The following EPHA6 variants were observed in gnomAD, a reference collection of about 807,000 sequenced individuals.
EPHA6 encodes the protein ephrin type-A receptor 6.
Under a neutral mutation model 112.0 loss-of-function variants are expected in EPHA6, and 50 were observed. The ratio of observed to expected loss-of-function variants is 0.45; its 90% confidence interval spans 0.36 to 0.56. The LOEUF (loss-of-function observed/expected upper bound fraction) is 0.56. Among genes scored for constraint, EPHA6 ranks in the 20% least tolerant of loss-of-function variants. The pLI is 0.00. For synonymous variants in EPHA6, 529 were observed against 490.7 expected (o/e 1.08, Z -1.03); for missense variants, 1,280 against 1,417.4 (o/e 0.90, Z 1.56).
At chr3:97,646,676 A>G (rs1190533800) in intron 14 of EPHA6, among the ~76,000 whole-genome samples, 1 of 152,154 alleles carries the variant, frequency 6.6e-6, no homozygotes, top group East Asian at 1.9e-4. Context: ...AGGAGTCCAT[A>G]TGTACTTATG....
intron 3 of EPHA6, among the ~76,000 whole-genome samples, chr3:97,219,431 T>C (rs953677398): frequency 6.6e-6 from 1 of 152,268 alleles, no homozygotes; most frequent in South Asian, 2.1e-4. Flanking sequence ...ACGTAGAAGC[T>C]CCCAAGCCTC....
intron 5 of EPHA6, among the ~76,000 whole-genome samples, chr3:97,366,872 G>T (rs1288799759): frequency 6.6e-6 from 1 of 152,092 alleles, no homozygotes; most frequent in Non-Finnish European, 1.5e-5. Flanking sequence ...CTTCTTTTCT[G>T]TTCCTATGAA....
intron 1 of EPHA6, among the ~76,000 whole-genome samples, chr3:96,858,963 A>G (rs1057446023): frequency 6.6e-5 from 10 of 152,138 alleles, no homozygotes; most frequent in Admixed American, 6.6e-4. Context: ...TCATATGTAA[A>G]TAGGCCTTGA....
intron 1 of EPHA6, among the ~76,000 whole-genome samples, chr3:96,853,568 T>G (rs1396431142): frequency 6.6e-6 from 1 of 152,060 alleles, no homozygotes; most frequent in Non-Finnish European, 1.5e-5. Context: ...ATAATTGAAA[T>G]AGTCTTGAGT....
intron 1 of EPHA6, among the ~76,000 whole-genome samples, chr3:96,831,473 A>G (rs917851645): frequency 3.3e-5 from 5 of 151,828 alleles, no homozygotes; most frequent in South Asian, 2.1e-4. Flanking sequence ...GCCCACTCCA[A>G]TGAGTTGGAT....
chr3:97,017,823 A>G (rs75517818), intron 3 of EPHA6, among the ~76,000 whole-genome samples: 4,417 of 152,164 alleles, frequency 0.029, 212 homozygotes, highest in African/African-American at 0.098. Flanking sequence ...GGATATGGAC[A>G]TCTTTTTCTA....
At chr3:97,526,793 G>A (rs2092627078) in intron 10 of EPHA6, among the ~76,000 whole-genome samples, 1 of 152,132 alleles carries the variant, frequency 6.6e-6, no homozygotes, top group African/African-American at 2.4e-5. Context: ...TTTAAGCAGG[G>A]CTACCATCAA....
At chr3:97,740,521 AT>A (rs2035456791) in intron 16 of EPHA6, among the ~76,000 whole-genome samples, 1 of 152,110 alleles carries the variant, frequency 6.6e-6, no homozygotes, top group African/African-American at 2.4e-5. Flanking sequence ...TAGGGATCTT[AT>A]AAGACTTTAG....
chr3:97,098,254 C>CT, intron 3 of EPHA6, among the ~76,000 whole-genome samples: 1 of 151,878 alleles, frequency 6.6e-6, no homozygotes, highest in East Asian at 1.9e-4. Context: ...TCTAATCAGG[C>CT]TTTTATTCTA....
At chr3:97,264,421 G>C (rs984913525) in intron 5 of EPHA6, among the ~76,000 whole-genome samples, 1 of 152,264 alleles carries the variant, frequency 6.6e-6, no homozygotes, top group African/African-American at 2.4e-5. Context: ...AACTGTACCA[G>C]GTGCACTGCA....
intron 6 of EPHA6, among the ~76,000 whole-genome samples, chr3:97,420,883 A>T (rs2088567863): frequency 6.6e-6 from 1 of 152,084 alleles, no homozygotes; most frequent in Admixed American, 6.5e-5. Context: ...GATTTATTTC[A>T]GGAATGCATG....
At chr3:97,343,433 A>T (rs2083404090) in intron 5 of EPHA6, among the ~76,000 whole-genome samples, 1 of 152,192 alleles carries the variant, frequency 6.6e-6, no homozygotes, top group Non-Finnish European at 1.5e-5. Context: ...GGAAGAAATG[A>T]ATTGAAGATG....
chr3:97,641,624 C>T (rs887791141), intron 14 of EPHA6, among the ~76,000 whole-genome samples: 1 of 152,330 alleles, frequency 6.6e-6, no homozygotes, highest in East Asian at 1.9e-4. Flanking sequence ...GCATTGCCTC[C>T]CTTGGGAAGC....
chr3:97,652,986 T>C (rs919229152), intron 14 of EPHA6, among the ~76,000 whole-genome samples: 1 of 151,968 alleles, frequency 6.6e-6, no homozygotes, highest in African/African-American at 2.4e-5. Context: ...GGAGTTTAAG[T>C]ATTGTGTCCC....
At chr3:96,905,386 A>G (rs2038877466) in intron 2 of EPHA6, among the ~76,000 whole-genome samples, 1 of 151,926 alleles carries the variant, frequency 6.6e-6, no homozygotes, top group Non-Finnish European at 1.5e-5. Context: ...CAGAATTATT[A>G]GTCTTATTAT....
rs531752947 is a variant in EPHA6, at chr3:97,290,569, C to G, written c.1606+46282C>G. Among the ~76,000 whole-genome samples, 3 of 152,078 alleles carry G rather than the reference C, an allele frequency of 2.0e-5. No homozygotes were observed. In the East Asian group the frequency reaches 5.8e-4, roughly 29 times the overall value. On this transcript the variant is annotated intron_variant, in intron 5 of 17. Transcript: ENST00000389672. Reference sequence around the variant, plus strand: ...GGGGAGACTTTTTATAACTGATTCTCTCTCTGTTTAGATTTTCTATTTCTT... The same window carrying G: ...GGGGAGACTTTTTATAACTGATTCTGTCTCTGTTTAGATTTTCTATTTCTT...
chr3:97,025,868 C>T (rs1211776679), intron 3 of EPHA6, among the ~76,000 whole-genome samples: 1 of 152,014 alleles, frequency 6.6e-6, no homozygotes, highest in Non-Finnish European at 1.5e-5. Flanking sequence ...GATTTCAGGT[C>T]TGAGCCACCA....
intron 3 of EPHA6, among the ~76,000 whole-genome samples, chr3:97,136,799 G>A (rs562194614): frequency 2.6e-5 from 4 of 152,196 alleles, no homozygotes; most frequent in South Asian, 2.1e-4. Context: ...CCAGCAAAAC[G>A]ATCTTTAAAG....
At chr3:97,605,475 C>T (rs1331882598) in intron 12 of EPHA6, among the ~76,000 whole-genome samples, 1 of 151,660 alleles carries the variant, frequency 6.6e-6, no homozygotes, top group Admixed American at 6.6e-5. Flanking sequence ...ATATGGCTAG[C>T]CAGTTATCCC....
Sources: allele counts gnomAD v4.1 joint callset (sites outside exome capture counted in the v4.1 genomes callset), GRCh38; gene constraint gnomAD v4.1.1; transcripts MANE v1.5; gene names NCBI Gene and HGNC (gene_info 2026-07-23, HGNC 2026-07-21).